Variants in FAM118A observed in about 807,000 individuals in gnomAD.
FAM118A encodes the protein SIR2 antiphage like 2.
Under a neutral mutation model 38.2 loss-of-function variants are expected in FAM118A, and 25 were observed. The ratio of observed to expected loss-of-function variants is 0.65; its 90% CI spans 0.48 to 0.91. The LOEUF (loss-of-function observed/expected upper bound fraction) is 0.91, where lower values mean the gene tolerates loss of function less well. Among genes scored for constraint, FAM118A ranks in the 40% least tolerant of loss-of-function variants. The pLI, the probability that FAM118A is intolerant of heterozygous loss-of-function variation, is 0.00. For synonymous variants in FAM118A, 178 were observed against 184.1 expected (o/e 0.97, Z 0.27); for missense variants, 425 against 463.3 (o/e 0.92, Z 0.76).
Position 45,312,816 on chromosome 22 carries a change from G to A in FAM118A, c.-10+2633G>A, listed in dbSNP as rs542108083. On this transcript the variant is annotated intron_variant, in intron 1 of 8. Transcript: ENST00000441876. ...TGTGCAGAGCTTCTGTGCCCTCCCC[G>A]GGGTGTACCATTCTCCAGAAACTTC... Among the ~76,000 whole-genome samples the A allele has an allele frequency of 3.3e-5, 5 of 152,254 alleles. No homozygotes were observed. In the South Asian group the frequency reaches 1.0e-3, roughly 32 times the overall value.
chr22:45,332,220 T>C (rs1171475391), intron 5 of FAM118A, among the ~76,000 whole-genome samples: 1 of 152,112 alleles, frequency 6.6e-6, no homozygotes, highest in Non-Finnish European at 1.5e-5. Flanking sequence ...CCAGCTTTGG[T>C]CTTTGCTGCC....
intron 1 of FAM118A, among the ~76,000 whole-genome samples, chr22:45,314,022 A>G (rs1426543098): frequency 1.3e-5 from 2 of 152,164 alleles, no homozygotes; most frequent in African/African-American, 4.8e-5. Context: ...TAGAAAAAGT[A>G]AATAGGCTCA....
rs1394855981 is a variant in FAM118A at position 45,332,721 on chromosome 22, T to C, written c.937+11T>C. ...AACAGCAAAGCCCAGGTATGGGATCTGGCTTCACTTTCCTTTTTCTTTCTT... is the reference window on the plus strand; with the variant it reads ...AACAGCAAAGCCCAGGTATGGGATCCGGCTTCACTTTCCTTTTTCTTTCTT... On this transcript the variant is annotated intron_variant, in intron 6 of 8. Transcript: ENST00000441876. 1.9e-6 allele frequency: 3 copies of C among 1,551,358 alleles called. No individual in the cohort carries two copies. Among genetic ancestry groups the C allele is most frequent in the Non-Finnish European group, 2.6e-6 (3 of 1,153,970 alleles).
Position 45,327,486 on chromosome 22 carries a change from C to G in FAM118A, c.301-356C>G, listed in dbSNP as rs202030528. ...ACGTACCTGAGCCGTGACCTCAGTG[C>G]TGTGGCCCTTGCTCTTCCCTCTGCT... On this transcript the variant is annotated intron_variant, in intron 3 of 8. Coordinates refer to ENST00000441876, the MANE Select transcript of FAM118A (RefSeq NM_017911.4). Among the ~76,000 whole-genome samples, 79 of 152,320 alleles carry G rather than the reference C, an allele frequency of 5.2e-4. No individual in the cohort carries two copies. In the East Asian group the frequency reaches 0.014, roughly 27 times the overall value.
chr22:45,311,346 A>G (rs1040081899), intron 1 of FAM118A, among the ~76,000 whole-genome samples: 9 of 152,086 alleles, frequency 5.9e-5, no homozygotes, highest in Non-Finnish European at 1.2e-4. Flanking sequence ...ACTGCGGAGA[A>G]CCCAGCTTTG....
chr22:45,322,493 C>T (rs1445798960), intron 2 of FAM118A, 67 bp downstream of exon 2: 5 of 1,377,428 alleles, frequency 3.6e-6, no homozygotes, highest in Admixed American at 2.1e-5. Flanking sequence ...CGTGAGTGTG[C>T]GCACTCGTTC....
rs764851359 is a variant in FAM118A at position 45,332,574 on chromosome 22, T to G, written c.801T>G (p.Asn267Lys). 1 of 1,614,176 alleles carries G rather than the reference T, an allele frequency of 6.2e-7. No individual in the cohort carries two copies. The highest frequency in any genetic ancestry group is 8.5e-7 in the Non-Finnish European group (1 of 1,180,048). Residue 267 changes from asparagine (N) to lysine (K), a missense_variant, in exon 6 of 9, where the codon AAT becomes AAG. By Grantham distance (94) the Asn-to-Lys change is moderately conservative. Transcript: ENST00000441876. ...ACTACATGCTTGTGCTGAAGGAGAATGAAGACCATTTCTTTAAGCATCAGG... is the reference window on the plus strand; with the variant it reads ...ACTACATGCTTGTGCTGAAGGAGAAGGAAGACCATTTCTTTAAGCATCAGG... ...LEHYMLVLKENEDHFFKHQAD... is the reference protein window; with the variant it reads ...LEHYMLVLKEKEDHFFKHQAD...
chr22:45,314,703 G>A (rs935169666), intron 1 of FAM118A, among the ~76,000 whole-genome samples: 1 of 152,214 alleles, frequency 6.6e-6, no homozygotes, highest in Non-Finnish European at 1.5e-5. Flanking sequence ...AAAGGCAGGT[G>A]GGTCCACAAG....
chr22:45,324,863 G>A (rs1433419474), intron 3 of FAM118A, among the ~76,000 whole-genome samples: 3 of 152,158 alleles, frequency 2.0e-5, no homozygotes, highest in African/African-American at 7.2e-5. Flanking sequence ...CCTGGCCAAT[G>A]TGATGAAACT....
In FAM118A at chr22:45,323,355, G is replaced by C; in HGVS notation, c.228G>C (p.Glu76Asp). 1 of 1,614,212 alleles carries C rather than the reference G, an allele frequency of 6.2e-7. No homozygotes were observed. Among genetic ancestry groups the C allele is most frequent in the Non-Finnish European group, 8.5e-7 (1 of 1,180,050 alleles). ...LEVLHPGDVA[E>D]FRRKVTKDRD... ...TGCTGCACCCCGGAGACGTCGCCGA[G>C]TTCCGGAGGAAAGTGACAAAGGACC... Residue 76 changes from glutamate to aspartate, a missense_variant, in exon 3 of 9, where the codon GAG (glutamate) becomes GAC (aspartate). Transcript: ENST00000441876.
chr22:45,316,142 C>T (rs1045925934), intron 1 of FAM118A, among the ~76,000 whole-genome samples: 17 of 152,294 alleles, frequency 1.1e-4, no homozygotes, highest in African/African-American at 1.2e-4. Flanking sequence ...CGGGTTCAAG[C>T]GATTCTCCTG....
intron 2 of FAM118A, 131 bp from the exon 3 acceptor site, chr22:45,323,043 GT>G: frequency 2.3e-6 from 1 of 443,940 alleles, no homozygotes; most frequent in Non-Finnish European, 3.7e-6. Context: ...AGAGGGGACT[GT>G]GTGTGTGTGT....
intron 1 of FAM118A, among the ~76,000 whole-genome samples, chr22:45,315,974 G>C (rs1601881407): frequency 1.3e-5 from 2 of 152,316 alleles, no homozygotes; most frequent in East Asian, 3.9e-4. Context: ...CTATCAGCTG[G>C]ATCGCAGATG....
Position 45,330,691 on chromosome 22 carries a change from C to T in FAM118A, c.611C>T (p.Pro204Leu). ...YTDPCGVVLD[P>L]SGYKDVTQDA... is the part of the protein sequence containing the mutation. The stretch of plus-strand genomic sequence containing the variant: ...GACCCCTGCGGGGTGGTGCTGGACC[C>T]ATCGGGGTATAAAGACGTCACTCAA... The change falls in exon 5 of 9, where the codon CCA becomes CTA. Residue 204 changes from proline (P) to leucine (L), a missense_variant. Pro to Leu is a moderately conservative substitution (Grantham distance 98). Transcript: ENST00000441876. The T allele has an allele frequency of 6.3e-7, 1 of 1,593,490 alleles. No homozygotes were observed. Among genetic ancestry groups the T allele is most frequent in the Non-Finnish European group, 8.5e-7 (1 of 1,172,454 alleles).
Position 45,319,937 on chromosome 22 carries a change from C to G in FAM118A, c.-9-2434C>G, listed in dbSNP as rs145049077. Among the ~76,000 whole-genome samples the G allele has an allele frequency of 4.6e-5, 7 of 152,176 alleles. No homozygotes were observed. In the East Asian group the frequency reaches 9.6e-4, roughly 21 times the overall value. ...GATTTCTTAGCATTTGGGGTAAGGT[C>G]GCAGACATGTTTGGGAGTTGATGGA... On this transcript the variant is annotated intron_variant, in intron 1 of 8. Transcript: ENST00000441876.
At chr22:45,312,061 C>A (rs1209948326) in intron 1 of FAM118A, among the ~76,000 whole-genome samples, 1 of 152,018 alleles carries the variant, frequency 6.6e-6, no homozygotes, top group Non-Finnish European at 1.5e-5. Flanking sequence ...CTGAAGAGAA[C>A]CTGTGTGTGG....
chr22:45,316,850 C>T (rs559338722), intron 1 of FAM118A, among the ~76,000 whole-genome samples: 1 of 152,108 alleles, frequency 6.6e-6, no homozygotes, highest in African/African-American at 2.4e-5. Context: ...TTTGCAAATT[C>T]TGGGGTCATT....
chr22:45,323,416 A>G lies in FAM118A; in HGVS notation c.289A>G (p.Lys97Glu). The G allele has an allele frequency of 6.2e-7, 1 of 1,613,274 alleles. No homozygotes were observed. The highest frequency in any genetic ancestry group is 8.5e-7 in the Non-Finnish European group (1 of 1,179,322). ...GGTTGTCGCCCATGATCTGATCCGG[A>G]AGATGTCACCTGTAAGTGTCAGACA... ...LLVVAHDLIR[K>E]MSPRTGDAKP... Residue 97 changes from lysine to glutamate, a missense_variant, in exon 3 of 9, where the codon AAG (lysine) becomes GAG (glutamate). Coordinates refer to ENST00000441876, the MANE Select transcript of FAM118A (RefSeq NM_017911.4).
intron 3 of FAM118A, 145 bp from the exon 4 acceptor site, chr22:45,327,697 C>A: frequency 2.6e-6 from 2 of 769,674 alleles, no homozygotes; most frequent in Non-Finnish European, 4.3e-6. Context: ...TGTCCCCCTG[C>A]TCTGGGGTTG....
Sources: allele counts gnomAD v4.1 joint callset (sites outside exome capture counted in the v4.1 genomes callset), GRCh38; gene constraint gnomAD v4.1.1; transcripts MANE v1.5; gene names NCBI Gene and HGNC (gene_info 2026-07-23, HGNC 2026-07-21).